The following DKK3 variants were observed in gnomAD, a reference collection of about 807,000 sequenced individuals.
DKK3 encodes the protein dickkopf Wnt signaling pathway inhibitor 3, also known as dickkopf-related protein 3.
In DKK3, 22 loss-of-function variants were observed where a neutral mutation model predicts 33.2. The observed-to-expected ratio is 0.66, with a 90% CI of 0.47 to 0.95. The LOEUF is 0.95. DKK3 is among the 40% of genes least tolerant of loss of function. The probability of loss-of-function intolerance (pLI) is 0.00; values close to 1 mark genes in which losing one functional copy is unlikely to be tolerated. For synonymous variants in DKK3, 194 were observed against 188.8 expected, an observed-to-expected ratio of 1.03 and a Z score of -0.23; for missense variants, 398 against 458.4, an observed-to-expected ratio of 0.87 and a Z score of 1.20.
intron 3 of DKK3, among the ~76,000 whole-genome samples, chr11:11,977,206 C>T (rs1847852355): frequency 6.6e-6 from 1 of 152,184 alleles, no homozygotes; most frequent in African/African-American, 2.4e-5. Flanking sequence ...GAGAACACTG[C>T]TCCTAACCCT....
At chr11:11,983,376 T>C (rs1458608475) in intron 3 of DKK3, among the ~76,000 whole-genome samples, 1 of 152,042 alleles carries the variant, frequency 6.6e-6, no homozygotes, top group African/African-American at 2.4e-5. Flanking sequence ...AACTGGGAGG[T>C]GACAAAAACT....
intron 3 of DKK3, among the ~76,000 whole-genome samples, chr11:11,988,117 G>A (rs1158248152): frequency 6.6e-6 from 1 of 152,218 alleles, no homozygotes; most frequent in Non-Finnish European, 1.5e-5. Flanking sequence ...ACTTGCAGCA[G>A]TTTGGATTCC....
chr11:11,982,227 C>T (rs1847969983), intron 3 of DKK3, among the ~76,000 whole-genome samples: 1 of 152,110 alleles, frequency 6.6e-6, no homozygotes, highest in Non-Finnish European at 1.5e-5. Context: ...GGACAGTCCT[C>T]CTGAAAGAAA....
At chr11:11,998,571 T>C (rs960819172) in intron 3 of DKK3, 125 bp downstream of exon 3, 15 of 824,546 alleles carry the variant, frequency 1.8e-5, no homozygotes, top group African/African-American at 3.4e-5. Context: ...GGAATCTCGG[T>C]AGAAATGAGT....
At chr11:11,992,264 T>G (rs569531293) in intron 3 of DKK3, among the ~76,000 whole-genome samples, 1 of 152,320 alleles carries the variant, frequency 6.6e-6, no homozygotes. Flanking sequence ...AAGGTACTGT[T>G]ATTAAGCCCA....
intron 3 of DKK3, among the ~76,000 whole-genome samples, chr11:11,978,245 TAAGCCAAC>T (rs1229590436): frequency 4.6e-5 from 7 of 152,138 alleles, no homozygotes; most frequent in African/African-American, 1.7e-4. Context: ...TCCATGAAGA[TAAGCCAAC>T]AAGGACATCA....
At position 11,964,502 on chromosome 11, in the gene DKK3, C is replaced by T. The variant is rs750337720; in HGVS notation, c.1015G>A (p.Ala339Thr). 1.2e-6 allele frequency: 2 copies of T among 1,613,480 alleles called. No individual in the cohort carries two copies. Among genetic ancestry groups the T allele is most frequent in the Admixed American group, 1.7e-5 (1 of 60,016 alleles). Residue 339 changes from alanine (A) to threonine (T), a missense_variant, in exon 7 of 7, where the codon GCT becomes ACT. Physicochemically the swap from Ala to Thr is moderately conservative, Grantham distance 58 (BLOSUM62 0). Transcript: ENST00000683431. ...CCTCCCAGCAGTGCAGCGGCGGCAG[C>T]CGCAGGCTCCCTCAGCGCCATCTCT... ...TEEMALREPA[A>T]AAAALLGGEE...
At chr11:12,002,108 T>C (rs1848440775) in intron 2 of DKK3, 192 bp downstream of exon 2, 1 of 588,432 alleles carries the variant, frequency 1.7e-6, no homozygotes, top group Admixed American at 3.5e-5. Context: ...CAAAAGCAGT[T>C]TAGGATCCTG....
At chr11:12,008,872 G>A, upstream of DKK3, 2 of 1,130,752 alleles carry the variant, frequency 1.8e-6, no homozygotes, top group African/African-American at 1.6e-5. The surrounding 1 kb of genome is among the most constrained non-coding windows in gnomAD (Gnocchi z 4.6). Flanking sequence ...CTCCTCACCT[G>A]TGATGCTGGA....
At position 12,002,499 on chromosome 11, in the gene DKK3, T is replaced by C. The variant is rs1287599110; in HGVS notation, c.214-62A>G. 8 of 1,546,284 alleles carry C rather than the reference T, an allele frequency of 5.2e-6. No homozygotes were observed. The Admixed American group carries it at 5.8e-5, about 11-fold the overall frequency. ...TCTCTTGTTACAAATGGGAGTCTATTAGAAAAAAAAAATCTCTTTTCCTCT... is the reference window on the plus strand; with the variant it reads ...TCTCTTGTTACAAATGGGAGTCTATCAGAAAAAAAAAATCTCTTTTCCTCT... On this transcript the variant is annotated intron_variant, in intron 1 of 6. Coordinates refer to ENST00000683431, the MANE Select transcript of DKK3 (RefSeq NM_001018057.2).
chr11:11,965,117 A>T (rs183433808), intron 6 of DKK3, among the ~76,000 whole-genome samples: 40 of 152,100 alleles, frequency 2.6e-4, no homozygotes, highest in Admixed American at 7.9e-4. Context: ...TCCTTTTTTT[A>T]AAAAAAATTA....
At chr11:11,977,433 G>C (rs935139847) in intron 3 of DKK3, among the ~76,000 whole-genome samples, 1 of 151,420 alleles carries the variant, frequency 6.6e-6, no homozygotes, top group African/African-American at 2.4e-5. Context: ...TCCACACACA[G>C]AGCCTCCCAA....
intron 6 of DKK3, 138 bp downstream of exon 6, chr11:11,965,671 G>A (rs1053756849): frequency 2.7e-6 from 3 of 1,098,660 alleles, no homozygotes; most frequent in Non-Finnish European, 3.8e-6. Context: ...CCATCTGCAT[G>A]ACCCAACGAC....
chr11:11,968,067 T>G (rs1377754353), intron 4 of DKK3, among the ~76,000 whole-genome samples: 1 of 152,114 alleles, frequency 6.6e-6, no homozygotes, highest in Non-Finnish European at 1.5e-5. Context: ...CCTTCTGCCT[T>G]GGTCTCCCCA....
At chr11:11,971,029 ATTTTT>A (rs35525674) in intron 3 of DKK3, among the ~76,000 whole-genome samples, 1 of 138,918 alleles carries the variant, frequency 7.2e-6, no homozygotes, top group Non-Finnish European at 1.6e-5. Context: ...AAAATTGAAG[ATTTTT>A]TTTTTTTTTT....
rs893790425 is a variant in DKK3 at position 11,965,860 on chromosome 11, C to T, written c.779G>A (p.Gly260Glu). 5.6e-6 allele frequency: 9 copies of T among 1,614,074 alleles called. No individual in the cohort carries two copies. Among genetic ancestry groups the T allele is most frequent in the Middle Eastern group, 1.6e-4 (1 of 6,082 alleles). The change falls in exon 6 of 7, where the codon GGA (glycine) becomes GAA (glutamate). Residue 260 changes from glycine (G) to glutamate (E), a missense_variant. Coordinates refer to ENST00000683431, the MANE Select transcript of DKK3 (RefSeq NM_001018057.2). ...GGCACAAGGGCATCGGTCCAAGGCT[C>T]CATCAGGCTCTAGCTCCCAGGTGAT... ...DLITWELEPDGALDRCPCASG... is the reference protein window; with the variant it reads ...DLITWELEPDEALDRCPCASG...
upstream of DKK3, chr11:12,008,646 A>T (rs1042561322): frequency 7.9e-7 from 1 of 1,271,524 alleles, no homozygotes; most frequent in South Asian, 2.8e-5. This position sits in a 1 kb window ranked among gnomAD's most constrained non-coding sequence, Gnocchi z 4.6. Context: ...CGCGCGGACC[A>T]CCCCCCTCGC....
At chr11:11,974,629 C>T (rs547358370) in intron 3 of DKK3, among the ~76,000 whole-genome samples, 1 of 152,300 alleles carries the variant, frequency 6.6e-6, no homozygotes, top group South Asian at 2.1e-4. Flanking sequence ...CCTTAAAGGT[C>T]TCACCTCTTA....
In DKK3 at chr11:11,976,560, C is replaced by T. The variant is rs1847837550; in HGVS notation, c.436-8073G>A. ...AGTTCTGCTCAACTGCAACCCAGTG[C>T]TCTGTGGAGCTCTCTCTGGGAGTGG... On this transcript the variant is annotated intron_variant, in intron 3 of 6. Coordinates refer to ENST00000683431, the MANE Select transcript of DKK3 (RefSeq NM_001018057.2). Among the ~76,000 whole-genome samples, 4 of 152,356 alleles carry T rather than the reference C, an allele frequency of 2.6e-5. No individual in the cohort carries two copies. In the South Asian group the frequency reaches 6.2e-4, roughly 24 times the overall value.
Sources: allele counts gnomAD v4.1 joint callset (sites outside exome capture counted in the v4.1 genomes callset), GRCh38; gene constraint gnomAD v4.1.1; non-coding constraint Gnocchi (gnomAD v3.1); transcripts MANE v1.5; gene names NCBI Gene and HGNC (gene_info 2026-07-23, HGNC 2026-07-21).